The following FDX2 variants were observed in gnomAD, a reference collection of about 807,000 sequenced individuals.
The protein encoded by FDX2 is ferredoxin 2.
In FDX2, 13 loss-of-function variants were observed where a neutral mutation model predicts 18.5. That is an observed-to-expected ratio of 0.70 (90% CI 0.46 to 1.12). FDX2 has a LOEUF of 1.12. FDX2 is among the 50% of genes most tolerant of loss of function. The pLI is 0.00. For missense variants in FDX2, 238 were observed against 250.4 expected, an observed-to-expected ratio of 0.95 and a Z score of 0.34; for synonymous variants, 132 against 106.2, an observed-to-expected ratio of 1.24 and a Z score of -1.49.
intron 3 of FDX2, 49 bp downstream of exon 3, chr19:10,315,337 T>TTTTTTTG: frequency 4.7e-6 from 5 of 1,064,442 alleles, no homozygotes; most frequent in East Asian, 2.7e-5. Flanking sequence ...TTTTTTTTTT[T>TTTTTTTG]TGGACAAATG....
chr19:10,315,319 G>C, intron 3 of FDX2, 67 bp downstream of exon 3: 1 of 597,668 alleles, frequency 1.7e-6, no homozygotes, highest in Middle Eastern at 5.0e-4. Context: ...TAATTTGTGG[G>C]TTTTTTTTTT....
chr19:10,311,750 C>A (rs1462036049), intron 3 of FDX2, among the ~76,000 whole-genome samples: 3 of 148,338 alleles, frequency 2.0e-5, no homozygotes, highest in Admixed American at 1.4e-4. Flanking sequence ...GTTGCCCAGC[C>A]TGGAGTGCCA....
chr19:10,313,375 T>C (rs925407037), intron 3 of FDX2, among the ~76,000 whole-genome samples: 2 of 152,090 alleles, frequency 1.3e-5, no homozygotes, highest in African/African-American at 4.8e-5. Flanking sequence ...CCTGTGGGAT[T>C]ATTGTCCCTA....
At chr19:10,311,728 G>C (rs1455263784) in intron 3 of FDX2, among the ~76,000 whole-genome samples, 1 of 138,912 alleles carries the variant, frequency 7.2e-6, no homozygotes, top group African/African-American at 2.7e-5. Flanking sequence ...TTTTGAGACA[G>C]GGTCTCACTC....
intron 3 of FDX2, among the ~76,000 whole-genome samples, chr19:10,313,217 A>T (rs2040341416): frequency 6.6e-6 from 1 of 152,116 alleles, no homozygotes; most frequent in South Asian, 2.1e-4. Flanking sequence ...TCCAGAACAG[A>T]ACTTTAGGTA....
Position 10,315,445 on chromosome 19 carries a change from C to T in FDX2, c.257G>A (p.Ser86Asn), listed in dbSNP as rs752129774. 11 of 1,613,604 alleles carry T rather than the reference C, an allele frequency of 6.8e-6. No homozygotes were observed. In the South Asian group the frequency reaches 7.7e-5, roughly 11 times the overall value. Residue 86 changes from serine (S) to asparagine (N), a missense_variant, in exon 3 of 5, where the codon AGT (serine) becomes AAT (asparagine). Physicochemically the swap from Ser to Asn is conservative, Grantham distance 46. Transcript: ENST00000393708. The stretch of plus-strand genomic sequence containing the variant: ...AAGAACATTGTCCCCGACTCTGCCA[C>T]TCACTGGGATCCGCTGGCCTGAGCG...
chr19:10,314,725 G>T (rs190152687), intron 3 of FDX2, among the ~76,000 whole-genome samples: 2 of 152,334 alleles, frequency 1.3e-5, no homozygotes, highest in African/African-American at 4.8e-5. Context: ...CAGAATGTTT[G>T]CTGGGAAAGC....
rs2040312261 is a variant in FDX2 at position 10,310,535 on chromosome 19, T to C, written c.512A>G (p.Lys171Arg). The change falls in exon 5 of 5, where the codon AAG (lysine) becomes AGG (arginine). Residue 171 changes from lysine (K) to arginine (R), a missense_variant. Lys to Arg is a conservative substitution (Grantham distance 26). Transcript: ENST00000393708. Reference sequence around the variant, plus strand: ...ATCCACGTAGAAGTTCCTGGTGATCTTGGGCAGGGTGAATTCCGCTCCTTC... The same window carrying C: ...ATCCACGTAGAAGTTCCTGGTGATCCTGGGCAGGGTGAATTCCGCTCCTTC... The C allele has an allele frequency of 3.7e-6, 6 of 1,614,048 alleles. No individual in the cohort carries two copies. The highest frequency in any genetic ancestry group is 4.2e-6 in the Non-Finnish European group (5 of 1,180,028).
chr19:10,314,490 C>A (rs1212715142), intron 3 of FDX2, among the ~76,000 whole-genome samples: 1 of 150,910 alleles, frequency 6.6e-6, no homozygotes, highest in African/African-American at 2.4e-5. Flanking sequence ...ATCACTTGAA[C>A]CCAGGAGTTC....
intron 3 of FDX2, among the ~76,000 whole-genome samples, chr19:10,313,999 T>A (rs2040351947): frequency 6.7e-6 from 1 of 148,364 alleles, no homozygotes; most frequent in Non-Finnish European, 1.5e-5. Context: ...TTTTTGTTTG[T>A]TTGAGACAGA....
intron 3 of FDX2, 50 bp downstream of exon 3, chr19:10,315,336 T>TTTTGACAAA: frequency 9.4e-7 from 1 of 1,064,306 alleles, no homozygotes; most frequent in Non-Finnish European, 1.3e-6. Flanking sequence ...TTTTTTTTTT[T>TTTTGACAAA]TTGGACAAAT....
intron 3 of FDX2, among the ~76,000 whole-genome samples, chr19:10,313,715 C>A (rs1182533421): frequency 1.0e-5 from 1 of 100,480 alleles, no homozygotes; most frequent in Non-Finnish European, 1.8e-5. Flanking sequence ...GAGACAGTCT[C>A]ACTCTGTCGC....
chr19:10,313,506 C>T (rs2040344085), intron 3 of FDX2, among the ~76,000 whole-genome samples: 2 of 151,570 alleles, frequency 1.3e-5, no homozygotes, highest in African/African-American at 4.9e-5. Context: ...ACTGGTGAGT[C>T]TAGTATTGTC....
At chr19:10,310,712 G>T in intron 4 of FDX2, 70 bp from the exon 5 acceptor site, 1 of 1,410,798 alleles carries the variant, frequency 7.1e-7, no homozygotes, top group East Asian at 2.4e-5. Flanking sequence ...CAGAGGTGGG[G>T]GAGGGAGGAA....
intron 3 of FDX2, 195 bp downstream of exon 3, chr19:10,315,191 G>A (rs1039634224): frequency 2.5e-5 from 14 of 553,942 alleles, no homozygotes; most frequent in Non-Finnish European, 4.5e-5. Context: ...GGAGCCAGGA[G>A]TCCTAGTGAT....
chr19:10,311,232 T>G (rs1039380610), intron 3 of FDX2, among the ~76,000 whole-genome samples: 1 of 152,042 alleles, frequency 6.6e-6, no homozygotes, highest in Non-Finnish European at 1.5e-5. Context: ...GGCTGCCAGG[T>G]AGCTGAGAGG....
At chr19:10,312,394 TCA>T (rs2145051254) in intron 3 of FDX2, among the ~76,000 whole-genome samples, 1 of 152,238 alleles carries the variant, frequency 6.6e-6, no homozygotes, top group East Asian at 1.9e-4. Context: ...CATCCTCTGA[TCA>T]CAGAGACCGG....
At chr19:10,312,444 C>A (rs1205632518) in intron 3 of FDX2, among the ~76,000 whole-genome samples, 1 of 152,092 alleles carries the variant, frequency 6.6e-6, no homozygotes, top group Admixed American at 6.6e-5. Context: ...TAAAACTTTC[C>A]AAAGGGTTTT....
At chr19:10,311,802 C>T (rs573779833) in intron 3 of FDX2, among the ~76,000 whole-genome samples, 3 of 149,744 alleles carry the variant, frequency 2.0e-5, no homozygotes, top group South Asian at 2.1e-4. Flanking sequence ...CCGGCTCAAG[C>T]GATCCTCCCA....
Sources: gnomAD v4.1 joint callset for allele counts (sites outside exome capture counted in the v4.1 genomes callset) on GRCh38, gnomAD v4.1.1 for gene constraint, MANE v1.5 for transcripts, NCBI Gene and HGNC (gene_info 2026-07-23, HGNC 2026-07-21) for gene names.